The following PITPNC1 variants were observed in gnomAD, a reference collection of about 807,000 sequenced individuals.
PITPNC1 encodes cytoplasmic phosphatidylinositol transfer protein 1.
PITPNC1 carries 18 observed loss-of-function variants against 44.7 expected under a neutral mutation model. The ratio of observed to expected loss-of-function variants is 0.40; its 90% confidence interval spans 0.28 to 0.60. The LOEUF (loss-of-function observed/expected upper bound fraction) is 0.60, where lower values mean the gene tolerates loss of function less well. Ranked by LOEUF, PITPNC1 falls within the 20% of genes least tolerant of loss-of-function variation. The pLI, the probability that PITPNC1 is intolerant of heterozygous loss-of-function variation, is 0.39. For missense variants in PITPNC1, 290 were observed against 418.4 expected, an observed-to-expected ratio of 0.69 and a Z score of 2.68; for synonymous variants, 141 against 149.6, an observed-to-expected ratio of 0.94 and a Z score of 0.42.
intron 1 of PITPNC1, chr17:67,379,004 T>TGCGAAGCC: frequency 1.1e-5 from 11 of 985,454 alleles, no homozygotes; most frequent in Non-Finnish European, 1.3e-5. Flanking sequence ...CTCCCGATCC[T>TGCGAAGCC]GCGAAGCCGC....
In PITPNC1 at chr17:67,597,943, G is replaced by T. The variant is rs1226624527; in HGVS notation, c.366+19686G>T. Reference sequence around the variant, plus strand: ...GTGACAGTAGAAATAGAGAGGAGACGCTGGGTGCGGTGGCTCATGCCTGTA... The same window carrying T: ...GTGACAGTAGAAATAGAGAGGAGACTCTGGGTGCGGTGGCTCATGCCTGTA... On this transcript the variant is annotated intron_variant, in intron 5 of 8. Coordinates refer to ENST00000581322, the MANE Select transcript of PITPNC1 (RefSeq NM_012417.4). This position sits in a 1 kb window ranked among gnomAD's most constrained non-coding sequence, Gnocchi z 4.0. Among the ~76,000 whole-genome samples, 1 of 152,194 alleles carries T rather than the reference G, an allele frequency of 6.6e-6. No homozygotes were observed. Among genetic ancestry groups the T allele is most frequent in the African/African-American group, 2.4e-5 (1 of 41,444 alleles).
intron 1 of PITPNC1, among the ~76,000 whole-genome samples, chr17:67,531,718 C>A (rs1279583913): frequency 6.6e-6 from 1 of 152,160 alleles, no homozygotes; most frequent in Non-Finnish European, 1.5e-5. Flanking sequence ...GGGGAATAAC[C>A]CCGAGTCCTC....
chr17:67,425,238 C>G (rs894290458), intron 1 of PITPNC1, among the ~76,000 whole-genome samples: 9 of 130,092 alleles, frequency 6.9e-5, no homozygotes, highest in African/African-American at 2.6e-4. Flanking sequence ...CACACACACA[C>G]ACACACACAC....
chr17:67,531,575 C>T (rs571621404), intron 1 of PITPNC1, among the ~76,000 whole-genome samples: 12 of 152,332 alleles, frequency 7.9e-5, no homozygotes, highest in South Asian at 6.2e-4. Flanking sequence ...GAGAAACCTT[C>T]GGGCACATGT....
At chr17:67,652,946 TA>T (rs758166334) in intron 6 of PITPNC1, among the ~76,000 whole-genome samples, 66 of 152,188 alleles carry the variant, frequency 4.3e-4, no homozygotes, top group Non-Finnish European at 8.5e-4. Context: ...GTGAGATCAT[TA>T]GGGGGACCCT....
In PITPNC1 at chr17:67,622,824, C is replaced by T. The variant is rs927193930; in HGVS notation, c.367-9319C>T. Among the ~76,000 whole-genome samples the T allele has an allele frequency of 2.6e-5, 4 of 151,714 alleles. No individual in the cohort carries two copies. In the South Asian group the frequency reaches 8.3e-4, roughly 32 times the overall value. Reference sequence around the variant, plus strand: ...CCAGGAGGCAGAGGTTGCAGTCACGCCAATGCATTCCAGCCTGGGTGACAG... The same window carrying T: ...CCAGGAGGCAGAGGTTGCAGTCACGTCAATGCATTCCAGCCTGGGTGACAG... On this transcript the variant is annotated intron_variant, in intron 5 of 8. Transcript: ENST00000581322.
chr17:67,578,327 C>G (rs1331182712), intron 5 of PITPNC1, 70 bp downstream of exon 5: 10 of 1,038,768 alleles, frequency 9.6e-6, no homozygotes, highest in Non-Finnish European at 1.5e-5. Flanking sequence ...TCTCACAGCC[C>G]CTCTGTGACC....
chr17:67,481,162 G>A (rs149084175), intron 1 of PITPNC1, among the ~76,000 whole-genome samples: 57 of 152,352 alleles, frequency 3.7e-4, no homozygotes, highest in African/African-American at 1.3e-3. Flanking sequence ...CGCTGAGATC[G>A]TGCCACTGCA....
chr17:67,565,743 T>C (rs1294248837), intron 4 of PITPNC1, among the ~76,000 whole-genome samples: 1 of 152,082 alleles, frequency 6.6e-6, no homozygotes, highest in Non-Finnish European at 1.5e-5. Flanking sequence ...TGTACTAGTT[T>C]TCTGTGTTTT....
intron 1 of PITPNC1, among the ~76,000 whole-genome samples, chr17:67,505,329 T>C (rs150869965): frequency 1.7e-3 from 264 of 152,372 alleles, no homozygotes; most frequent in African/African-American, 6.0e-3. Context: ...CCAACTATAG[T>C]TGTGATAGTT....
At chr17:67,658,499 AC>A (rs949935506) in intron 6 of PITPNC1, among the ~76,000 whole-genome samples, 1 of 151,918 alleles carries the variant, frequency 6.6e-6, no homozygotes, top group Non-Finnish European at 1.5e-5. Flanking sequence ...TAACCACCCC[AC>A]CCCCAGTATC....
intron 1 of PITPNC1, among the ~76,000 whole-genome samples, chr17:67,389,280 C>T (rs565756258): frequency 6.6e-6 from 1 of 152,348 alleles, no homozygotes; most frequent in East Asian, 1.9e-4. Flanking sequence ...CTTGCTGTCT[C>T]TGACTTCTTG....
intron 1 of PITPNC1, among the ~76,000 whole-genome samples, chr17:67,453,225 T>C (rs73996720): frequency 0.035 from 5,268 of 152,242 alleles, 305 homozygotes; most frequent in African/African-American, 0.12. Context: ...AAAACAGTGG[T>C]GAATCAACTC....
At position 67,671,948 on chromosome 17, in the gene PITPNC1, T is replaced by G. The variant is rs529031977; in HGVS notation, c.618+2285T>G. Among the ~76,000 whole-genome samples, 12 of 152,264 alleles carry G rather than the reference T, an allele frequency of 7.9e-5. No individual in the cohort carries two copies. The South Asian group carries it at 2.3e-3, about 29-fold the overall frequency. ...TAGTATTATTTTGTTTTGTTTTGTT[T>G]TTTTGAGATGGAGTCTCAATCTGTT... On this transcript the variant is annotated intron_variant, in intron 7 of 8. Coordinates refer to ENST00000581322, the MANE Select transcript of PITPNC1 (RefSeq NM_012417.4).
At chr17:67,422,557 CTTTTTTTT>C (rs1567983594) in intron 1 of PITPNC1, among the ~76,000 whole-genome samples, 1 of 151,710 alleles carries the variant, frequency 6.6e-6, no homozygotes, top group Non-Finnish European at 1.5e-5. Flanking sequence ...TTCTTTTTTT[CTTTTTTTT>C]GAGACAGAGT....
chr17:67,665,479 T>C (rs2042408952), intron 6 of PITPNC1, among the ~76,000 whole-genome samples: 1 of 152,212 alleles, frequency 6.6e-6, no homozygotes, highest in Non-Finnish European at 1.5e-5. Flanking sequence ...ATGGTAACCC[T>C]ATGTTTAATC....
chr17:67,439,325 G>T (rs940394972), intron 1 of PITPNC1, among the ~76,000 whole-genome samples: 1 of 152,104 alleles, frequency 6.6e-6, no homozygotes, highest in Non-Finnish European at 1.5e-5. Flanking sequence ...TGGCATGGCC[G>T]TCACCCTCCT....
chr17:67,444,088 T>C (rs986206975), intron 1 of PITPNC1, among the ~76,000 whole-genome samples: 4 of 152,066 alleles, frequency 2.6e-5, no homozygotes, highest in African/African-American at 9.7e-5. Flanking sequence ...CATGTACCCA[T>C]CATCCAACTA....
intron 4 of PITPNC1, among the ~76,000 whole-genome samples, chr17:67,558,863 T>C (rs1450508286): frequency 6.6e-6 from 1 of 152,094 alleles, no homozygotes; most frequent in Non-Finnish European, 1.5e-5. Flanking sequence ...TCAAATCGTA[T>C]TGAGCCACTA....
Sources: allele counts gnomAD v4.1 joint callset (sites outside exome capture counted in the v4.1 genomes callset), GRCh38; gene constraint gnomAD v4.1.1; non-coding constraint Gnocchi (gnomAD v3.1); transcripts MANE v1.5; gene names NCBI Gene and HGNC (gene_info 2026-07-23, HGNC 2026-07-21).